The following TENM2 variants were observed in gnomAD, a reference collection of about 807,000 sequenced individuals.
TENM2 encodes teneurin transmembrane protein 2, also known as teneurin-2.
Under a neutral mutation model 245.2 loss-of-function variants are expected in TENM2, and 52 were observed. The observed-to-expected ratio is 0.21, with a 90% CI of 0.17 to 0.27. TENM2 has a LOEUF of 0.27. Ranked by LOEUF, TENM2 falls within the 10% of genes least tolerant of loss-of-function variation. The pLI is 1.00. For missense variants in TENM2, 3,046 were observed against 3,666.8 expected (o/e 0.83, Z 4.37); for synonymous variants, 1,363 against 1,438.9 (o/e 0.95, Z 1.19).
chr5:168,109,685 T>C (rs1000928893), intron 9 of TENM2, among the ~76,000 whole-genome samples: 1 of 152,220 alleles, frequency 6.6e-6, no homozygotes, highest in Admixed American at 6.5e-5. Flanking sequence ...AGCTGCATTC[T>C]AACAGGGTCC....
intron 2 of TENM2, among the ~76,000 whole-genome samples, chr5:167,395,438 T>C (rs1196578339): frequency 6.6e-6 from 1 of 152,166 alleles, no homozygotes; most frequent in Admixed American, 6.5e-5. Flanking sequence ...GATTGTGTCA[T>C]CTGGAAACGG....
chr5:167,068,977 T>C, the TENM2 span, among the ~76,000 whole-genome samples: 1 of 152,202 alleles, frequency 6.6e-6, no homozygotes, highest in African/African-American at 2.4e-5. Flanking sequence ...TTCATTCGTT[T>C]GAACTCGTCA....
the TENM2 span, among the ~76,000 whole-genome samples, chr5:167,086,957 A>ACC: frequency 6.6e-6 from 1 of 151,676 alleles, no homozygotes; most frequent in Non-Finnish European, 1.5e-5. Context: ...ACACACACAC[A>ACC]CACACACACA....
chr5:168,181,133 G>A (rs1280211251), intron 13 of TENM2, among the ~76,000 whole-genome samples: 2 of 152,164 alleles, frequency 1.3e-5, no homozygotes, highest in East Asian at 1.9e-4. Flanking sequence ...CTTAGGACAC[G>A]GGATGAGAAT....
At chr5:168,097,196 C>T (rs1793438190) in intron 8 of TENM2, among the ~76,000 whole-genome samples, 1 of 152,172 alleles carries the variant, frequency 6.6e-6, no homozygotes, top group Non-Finnish European at 1.5e-5. Context: ...TTTTACTCTA[C>T]AAATCTGAGG....
chr5:167,476,812 T>G (rs1767415938), intron 2 of TENM2, among the ~76,000 whole-genome samples: 2 of 152,164 alleles, frequency 1.3e-5, no homozygotes, highest in Non-Finnish European at 2.9e-5. Flanking sequence ...TTGGCCAGGC[T>G]GGTCTCGAAC....
At chr5:167,087,792 T>C in the TENM2 span, among the ~76,000 whole-genome samples, 27 of 149,382 alleles carry the variant, frequency 1.8e-4, no homozygotes, top group Non-Finnish European at 3.6e-4. Context: ...GCAATATCTC[T>C]CTTTTTTTTT....
the TENM2 span, among the ~76,000 whole-genome samples, chr5:167,077,241 A>G: frequency 6.6e-6 from 1 of 152,266 alleles, no homozygotes; most frequent in Non-Finnish European, 1.5e-5. Context: ...GAACTAATAT[A>G]GGATGCCTGT....
intron 2 of TENM2, among the ~76,000 whole-genome samples, chr5:167,830,184 C>T (rs1768344196): frequency 6.6e-6 from 1 of 152,222 alleles, no homozygotes. Flanking sequence ...GACTGTGAAA[C>T]TCTCTCAGGA....
At chr5:167,646,146 A>AGG (rs1779915934) in intron 2 of TENM2, among the ~76,000 whole-genome samples, 1 of 128,544 alleles carries the variant, frequency 7.8e-6, no homozygotes, top group East Asian at 2.2e-4. Flanking sequence ...TTATATATAT[A>AGG]TGTTGTTTTC....
chr5:167,163,532 TCTG>T, the TENM2 span, among the ~76,000 whole-genome samples: 4,915 of 152,318 alleles, frequency 0.032, 285 homozygotes, highest in African/African-American at 0.11. Context: ...TTATGATTTA[TCTG>T]GACTTTGTTT....
intron 5 of TENM2, among the ~76,000 whole-genome samples, chr5:167,994,269 C>A (rs1299650966): frequency 6.6e-6 from 1 of 152,236 alleles, no homozygotes; most frequent in African/African-American, 2.4e-5. Flanking sequence ...GTTCCCAACA[C>A]GTATGCTGAA....
At chr5:167,989,014 C>A (rs1425499667) in intron 4 of TENM2, among the ~76,000 whole-genome samples, 1 of 152,124 alleles carries the variant, frequency 6.6e-6, no homozygotes, top group Non-Finnish European at 1.5e-5. Context: ...TAAAACATTT[C>A]TATTTTCAAG....
At chr5:167,036,267 T>C in the TENM2 span, among the ~76,000 whole-genome samples, 297 of 152,216 alleles carry the variant, frequency 2.0e-3, 1 homozygote, top group African/African-American at 6.6e-3. Flanking sequence ...GAGGTTTGTT[T>C]TAAGGATCAG....
At chr5:167,467,966 C>T (rs934414523) in intron 2 of TENM2, among the ~76,000 whole-genome samples, 2 of 152,076 alleles carry the variant, frequency 1.3e-5, no homozygotes, top group Non-Finnish European at 2.9e-5. Flanking sequence ...GACGAAGTTT[C>T]GCTCTTGTCG....
chr5:168,004,519 A>ACACC (rs1784673271), intron 5 of TENM2, among the ~76,000 whole-genome samples: 1 of 31,738 alleles, frequency 3.2e-5, no homozygotes, highest in African/African-American at 9.9e-5. Flanking sequence ...GCGCGCGCGC[A>ACACC]CACACACACA....
chr5:167,033,453 C>T, the TENM2 span, among the ~76,000 whole-genome samples: 6 of 152,142 alleles, frequency 3.9e-5, no homozygotes, highest in East Asian at 3.9e-4. Flanking sequence ...CTGTTGCTTA[C>T]GTTTATCTTC....
chr5:167,713,329 T>A (rs968904187), intron 2 of TENM2, among the ~76,000 whole-genome samples: 1 of 151,384 alleles, frequency 6.6e-6, no homozygotes. Flanking sequence ...CATCCTGTAG[T>A]ACTCCCCTTG....
At chr5:167,358,539 T>C (rs1461794653) in intron 1 of TENM2, among the ~76,000 whole-genome samples, 1 of 151,864 alleles carries the variant, frequency 6.6e-6, no homozygotes, top group Admixed American at 6.6e-5. Flanking sequence ...ACTCCTTTAC[T>C]GCTTTCTCTT....
Sources: gnomAD v4.1 joint callset for allele counts (sites outside exome capture counted in the v4.1 genomes callset) on GRCh38, gnomAD v4.1.1 for gene constraint, MANE v1.5 for transcripts, NCBI Gene and HGNC (gene_info 2026-07-23, HGNC 2026-07-21) for gene names.